Variants in PCDHGA1 observed in about 807,000 individuals in gnomAD.
PCDHGA1 encodes the protein protocadherin gamma-A1.
A neutral mutation model predicts 58.0 loss-of-function variants in PCDHGA1; 32 were observed. That is an observed-to-expected ratio of 0.55 (90% CI 0.42 to 0.74). The LOEUF is 0.74. Ranked by LOEUF, PCDHGA1 falls within the 30% of genes least tolerant of loss-of-function variation. The probability of loss-of-function intolerance (pLI) is 0.00; values close to 1 mark genes in which losing one functional copy is unlikely to be tolerated. For synonymous variants in PCDHGA1, 498 were observed against 501.1 expected (o/e 0.99, Z 0.08); for missense variants, 1,205 against 1,182.3 (o/e 1.02, Z -0.28).
chr5:141,371,924 G>C (rs762943415), intron 1 of PCDHGA1: 1 of 1,613,364 alleles, frequency 6.2e-7, no homozygotes, highest in Admixed American at 1.7e-5. Flanking sequence ...TGAGCGCGCG[G>C]AGCGGGGTGG....
chr5:141,371,138 G>T (rs761615775), intron 1 of PCDHGA1: 2 of 1,613,988 alleles, frequency 1.2e-6, no homozygotes, highest in South Asian at 1.1e-5. Flanking sequence ...ACATGTACAG[G>T]GTCAATGTTG....
At position 141,511,622 on chromosome 5, in the gene PCDHGA1, A is replaced by G; in HGVS notation, c.*449A>G. 4.3e-6 allele frequency: 1 copy of G among 232,852 alleles called. No individual in the cohort carries two copies. The highest frequency in any genetic ancestry group is 8.7e-6 in the Non-Finnish European group (1 of 114,994). The allele number at this position is 232,852 out of a possible 1,614,324, so 14.4% of individuals were successfully genotyped here. A position where few individuals can be genotyped will look rare whatever the true frequency, so the allele number is the denominator to read the frequency against. On this transcript the variant is annotated 3_prime_UTR_variant, in exon 4 of 4. Transcript: ENST00000517417. ...AACCTACAAGCCTCCTAGTTCTGAA[A>G]AGTTGGAAGGGCATCATGACCTCTT...
chr5:141,360,495 A>G, intron 1 of PCDHGA1: 1 of 1,613,988 alleles, frequency 6.2e-7, no homozygotes, highest in Non-Finnish European at 8.5e-7. Context: ...TCTACATAGC[A>G]GTAATTGTGC....
In PCDHGA1 at chr5:141,471,825, A is replaced by G. The variant is rs150400990; in HGVS notation, c.2422-22982A>G. Among the ~76,000 whole-genome samples, 61 of 152,344 alleles carry G rather than the reference A, an allele frequency of 4.0e-4. No individual in the cohort carries two copies. In the East Asian group the frequency reaches 0.011, roughly 27 times the overall value. ...ACATATAAAAGACTACCTATTTTAT[A>G]ATTCCTTTTTAATAAAATATTCAGA... On this transcript the variant is annotated intron_variant, in intron 1 of 3. Coordinates refer to ENST00000517417, the MANE Select transcript of PCDHGA1 (RefSeq NM_018912.3).
chr5:141,492,460 G>T (rs2099740851), intron 1 of PCDHGA1, among the ~76,000 whole-genome samples: 1 of 152,218 alleles, frequency 6.6e-6, no homozygotes, highest in African/African-American at 2.4e-5. Flanking sequence ...GCGCGCCTGA[G>T]GGTCCCAGAT....
At chr5:141,414,279 A>C in intron 1 of PCDHGA1, 1 of 1,613,350 alleles carries the variant, frequency 6.2e-7, no homozygotes, top group Non-Finnish European at 8.5e-7. Flanking sequence ...CTCTGGGAAC[A>C]GTCGTAGCCC....
intron 1 of PCDHGA1, chr5:141,356,593 A>C: frequency 1.2e-6 from 2 of 1,614,170 alleles, no homozygotes; most frequent in Non-Finnish European, 1.7e-6. Context: ...TCCTGAAAAC[A>C]ACCCCAGAGG....
In PCDHGA1 at chr5:141,485,804, G is replaced by C; in HGVS notation, c.2422-9003G>C. 6.2e-7 allele frequency: 1 copy of C among 1,614,218 alleles called. No homozygotes were observed. The highest frequency in any genetic ancestry group is 1.3e-5 in the African/African-American group (1 of 75,060). The stretch of plus-strand genomic sequence containing the variant: ...AGAGAAGCAATCGGACTACCGCCTG[G>C]TGCTGACTGCTGTCGATGGAGGGAA... On this transcript the variant is annotated intron_variant, in intron 1 of 3. Coordinates refer to ENST00000517417, the MANE Select transcript of PCDHGA1 (RefSeq NM_018912.3). This position sits in a 1 kb window ranked among gnomAD's most constrained non-coding sequence, Gnocchi z 5.7.
intron 1 of PCDHGA1, chr5:141,428,086 G>C: frequency 1.9e-6 from 3 of 1,609,122 alleles, no homozygotes; most frequent in Non-Finnish European, 1.7e-6. Context: ...CACAACGCTT[G>C]GCTGTCCTAC....
chr5:141,508,731 A>C (rs1596169554), intron 3 of PCDHGA1, among the ~76,000 whole-genome samples: 6 of 145,538 alleles, frequency 4.1e-5, no homozygotes, highest in African/African-American at 5.1e-5. Context: ...GGGAGACTAC[A>C]CCCCCCACCC....
chr5:141,501,017 C>T (rs1383853662), intron 2 of PCDHGA1, among the ~76,000 whole-genome samples: 5 of 151,866 alleles, frequency 3.3e-5, no homozygotes, highest in African/African-American at 7.3e-5. Flanking sequence ...TACAGGCACG[C>T]GCCACCACGC....
At chr5:141,385,330 C>A (rs1183163204) in intron 1 of PCDHGA1, 1 of 1,583,780 alleles carries the variant, frequency 6.3e-7, no homozygotes, top group East Asian at 2.2e-5. Flanking sequence ...TCAGGTGAGC[C>A]CAGCCCTTCC....
At chr5:141,438,875 A>G (rs2098071820) in intron 1 of PCDHGA1, among the ~76,000 whole-genome samples, 1 of 151,738 alleles carries the variant, frequency 6.6e-6, no homozygotes. Flanking sequence ...CAAGTTGGCC[A>G]GGCTGCTCTT....
chr5:141,422,961 G>A, intron 1 of PCDHGA1: 1 of 1,614,234 alleles, frequency 6.2e-7, no homozygotes, highest in Non-Finnish European at 8.5e-7. Flanking sequence ...GCGTGGAGCT[G>A]GCGCCCCGCT....
At chr5:141,350,302 ACT>A in intron 1 of PCDHGA1, 1 of 1,520,774 alleles carries the variant, frequency 6.6e-7, no homozygotes, top group Non-Finnish European at 8.8e-7. Flanking sequence ...AAAGTCAGGT[ACT>A]GTTTCCCTTC....
rs770283696 is a variant in PCDHGA1, at chr5:141,385,127, T to G, written c.2421+52022T>G. On this transcript the variant is annotated intron_variant, in intron 1 of 3. Transcript: ENST00000517417. ...GTGCCCACCTCGCACTTTGTGGGCA[T>G]GGACGGGGTGCAGGCTTTCCTGCAG... is the stretch of plus-strand genomic sequence containing the variant. 6.2e-6 allele frequency: 10 copies of G among 1,614,222 alleles called. No individual in the cohort carries two copies. The South Asian group carries it at 7.7e-5, about 12-fold the overall frequency.
chr5:141,466,989 G>C, intron 1 of PCDHGA1, among the ~76,000 whole-genome samples: 1 of 150,922 alleles, frequency 6.6e-6, no homozygotes. Context: ...TTTACCTTTT[G>C]GCATTTTTTT....
chr5:141,504,728 G>A (rs978910481), intron 2 of PCDHGA1, among the ~76,000 whole-genome samples: 5 of 151,522 alleles, frequency 3.3e-5, no homozygotes, highest in African/African-American at 9.7e-5. Context: ...TACTCTGAGG[G>A]CTTAGGAAGC....
intron 1 of PCDHGA1, chr5:141,360,587 C>T (rs1186405210): frequency 6.2e-6 from 10 of 1,613,882 alleles, no homozygotes; most frequent in Non-Finnish European, 6.8e-6. Flanking sequence ...CCAGGTACAA[C>T]ATTTCCACTT....
Sources: gnomAD v4.1 joint callset for allele counts (sites outside exome capture counted in the v4.1 genomes callset) on GRCh38, gnomAD v4.1.1 for gene constraint, Gnocchi (gnomAD v3.1) non-coding constraint, MANE v1.5 for transcripts, NCBI Gene and HGNC (gene_info 2026-07-23, HGNC 2026-07-21) for gene names.